The following EPB41 variants were observed in gnomAD, a reference collection of about 807,000 sequenced individuals.
EPB41 encodes erythrocyte membrane protein band 4.1.
In EPB41, 65 loss-of-function variants were observed where a neutral mutation model predicts 108.0. That is an observed-to-expected ratio of 0.60 (90% CI 0.49 to 0.74). EPB41 has a LOEUF of 0.74. Ranked by LOEUF, EPB41 falls within the 30% of genes least tolerant of loss-of-function variation. The pLI is 0.00. For synonymous variants in EPB41, 336 were observed against 358.9 expected (o/e 0.94, Z 0.72); for missense variants, 875 against 1,037.0 (o/e 0.84, Z 2.15).
intron 1 of EPB41, among the ~76,000 whole-genome samples, chr1:28,944,875 G>A (rs938901567): frequency 6.6e-6 from 1 of 151,274 alleles, no homozygotes; most frequent in African/African-American, 2.4e-5. Flanking sequence ...GACTGCTTGA[G>A]CTCAGGAGTT....
At chr1:29,068,207 G>A (rs1326704393) in intron 16 of EPB41, among the ~76,000 whole-genome samples, 2 of 152,112 alleles carry the variant, frequency 1.3e-5, no homozygotes, top group African/African-American at 2.4e-5. Context: ...ATGCCTTGTC[G>A]CTATTTCACC....
intron 1 of EPB41, among the ~76,000 whole-genome samples, chr1:28,896,648 G>A (rs949868672): frequency 6.6e-6 from 1 of 152,232 alleles, no homozygotes; most frequent in South Asian, 2.1e-4. Context: ...ACAACTGCCT[G>A]CACTTGGGGG....
rs1644739481 is a variant in EPB41 at position 29,052,782 on chromosome 1, G to A, written c.1637-322G>A. 2.0e-5 allele frequency among the ~76,000 whole-genome samples: 3 copies of A among 151,772 alleles called. No homozygotes were observed. The South Asian group carries it at 6.2e-4, about 32-fold the overall frequency. On this transcript the variant is annotated intron_variant, in intron 11 of 20. Coordinates refer to ENST00000343067, the MANE Select transcript of EPB41 (RefSeq NM_001376013.1). ...TTTTTTTCCTGCCATAGACAACATT[G>A]CAGGTTTTTGAAACTAAAATTACGA...
At chr1:28,912,571 C>A (rs768285163), upstream of EPB41, among the ~76,000 whole-genome samples, 2 of 152,112 alleles carry the variant, frequency 1.3e-5, no homozygotes, top group Admixed American at 6.6e-5. Context: ...ATGAGCTAGG[C>A]ACTGCTCTAA....
chr1:28,905,742 C>T (rs141847456), intron 1 of EPB41, among the ~76,000 whole-genome samples: 11 of 151,826 alleles, frequency 7.2e-5, no homozygotes, highest in African/African-American at 2.7e-4. Context: ...AGTCATACAG[C>T]AAATTTATTG....
At chr1:29,005,077 A>G (rs1350647522) in intron 4 of EPB41, among the ~76,000 whole-genome samples, 1 of 152,146 alleles carries the variant, frequency 6.6e-6, no homozygotes, top group Non-Finnish European at 1.5e-5. Context: ...GCACTGCTAT[A>G]AAGAAATATC....
At position 28,929,715 on chromosome 1, in the gene EPB41, G is replaced by C. The variant is rs1170927229; in HGVS notation, c.-8+14947G>C. ...CCTGGCTAATTTTGTATTTTTAGTAGAGACGGGGTTTATCCATGTTGGTCA... is the reference window on the plus strand; with the variant it reads ...CCTGGCTAATTTTGTATTTTTAGTACAGACGGGGTTTATCCATGTTGGTCA... On this transcript the variant is annotated intron_variant, in intron 1 of 20. Transcript: ENST00000343067. Among the ~76,000 whole-genome samples, 4 of 150,670 alleles carry C rather than the reference G, an allele frequency of 2.7e-5. No homozygotes were observed. The East Asian group carries it at 7.8e-4, about 29-fold the overall frequency.
At chr1:29,088,021 A>G (rs575527583) in intron 16 of EPB41, among the ~76,000 whole-genome samples, 1 of 149,060 alleles carries the variant, frequency 6.7e-6, no homozygotes, top group East Asian at 1.9e-4. Context: ...CTATCATAGC[A>G]TCTTTTTTCC....
At chr1:29,064,180 C>A (rs1646968041) in intron 15 of EPB41, among the ~76,000 whole-genome samples, 1 of 152,118 alleles carries the variant, frequency 6.6e-6, no homozygotes, top group African/African-American at 2.4e-5. Flanking sequence ...CACTCTCAAT[C>A]CTTTGAAGGT....
Position 28,894,200 on chromosome 1 carries a change from C to T in EPB41, c.-8+6990C>T, listed in dbSNP as rs1375938259. Among the ~76,000 whole-genome samples, 3 of 152,138 alleles carry T rather than the reference C, an allele frequency of 2.0e-5. No individual in the cohort carries two copies. The East Asian group carries it at 5.8e-4, about 29-fold the overall frequency. On this transcript the variant is annotated intron_variant, in intron 1 of 16. Coordinates refer to the EPB41 transcript ENST00000347529. ...ATTTGTTCTTTTATTCATGTAAGCC[C>T]CACAAGGGCAGGGATTTTTGTTCAT... is the stretch of plus-strand genomic sequence containing the variant.
chr1:29,106,573 T>TA (rs2151626535), intron 17 of EPB41, among the ~76,000 whole-genome samples: 1 of 123,504 alleles, frequency 8.1e-6, no homozygotes, highest in South Asian at 2.9e-4. Context: ...GATTTTTTTT[T>TA]TTTTTTTTTT....
At chr1:28,997,152 T>C in intron 3 of EPB41, 63 bp from the exon 4 acceptor site, 1 of 1,252,924 alleles carries the variant, frequency 8.0e-7, no homozygotes. Flanking sequence ...TCCCCATCTC[T>C]TTTGGGGAAA....
At chr1:28,889,566 G>A (rs2089870181) in intron 1 of EPB41, among the ~76,000 whole-genome samples, 1 of 152,262 alleles carries the variant, frequency 6.6e-6, no homozygotes, top group South Asian at 2.1e-4. Flanking sequence ...ATGGCCAGGA[G>A]ACTGGCTGGC....
In EPB41 at chr1:28,987,847, C is replaced by T. The variant is rs200186018; in HGVS notation, c.410C>T (p.Pro137Leu). Residue 137 changes from proline (P) to leucine (L), a missense_variant, in exon 2 of 21, where the codon CCG becomes CTG. Pro to Leu is a moderately conservative substitution (Grantham distance 98). Around this residue, in one of 3 missense-constraint regions of EPB41, gnomAD observed 353 missense variants for 393.2 expected, o/e 0.90. Coordinates refer to ENST00000343067, the MANE Select transcript of EPB41 (RefSeq NM_001376013.1). ...AAGGCCCCAATTGCAGCTCCTGAAC[C>T]GGAACTCAAAACAGACCCATCTTTG... ...ILKAPIAAPE[P>L]ELKTDPSLDL... 93 of 1,614,050 alleles carry T rather than the reference C, an allele frequency of 5.8e-5. No individual in the cohort carries two copies. Among genetic ancestry groups the T allele is most frequent in the Middle Eastern group, 4.9e-4 (3 of 6,084 alleles).
intron 12 of EPB41, among the ~76,000 whole-genome samples, chr1:29,057,177 C>A (rs1037687407): frequency 2.7e-4 from 41 of 151,718 alleles, no homozygotes; most frequent in Admixed American, 2.6e-3. Flanking sequence ...GAGATCGAGA[C>A]CATCCTGGCT....
chr1:28,998,836 G>A (rs537926810), intron 4 of EPB41, among the ~76,000 whole-genome samples: 1 of 152,268 alleles, frequency 6.6e-6, no homozygotes, highest in South Asian at 2.1e-4. Flanking sequence ...AATATTTGAG[G>A]TGATGGATAG....
chr1:28,994,434 G>A lies in EPB41; in HGVS notation c.681+892G>A, dbSNP rs1350148213. On this transcript the variant is annotated intron_variant, in intron 3 of 20. Coordinates refer to ENST00000343067, the MANE Select transcript of EPB41 (RefSeq NM_001376013.1). Reference sequence around the variant, plus strand: ...GATCTGCCCGCCTCGGCCTCCCAAAGTGCTGGGTTTACAGGCTTGAGCCAC... The same window carrying A: ...GATCTGCCCGCCTCGGCCTCCCAAAATGCTGGGTTTACAGGCTTGAGCCAC... Among the ~76,000 whole-genome samples the A allele has an allele frequency of 4.6e-5, 7 of 151,336 alleles. 1 individual carries two copies. The highest frequency in any genetic ancestry group is 1.7e-4 in the African/African-American group (7 of 41,220).
chr1:28,902,139 C>T (rs1009914624), intron 1 of EPB41: 10 of 974,222 alleles, frequency 1.0e-5, no homozygotes, highest in Non-Finnish European at 1.2e-5. Flanking sequence ...TTTGAGCACA[C>T]AGTAGAATCT....
chr1:29,002,383 G>A (rs757171618), intron 4 of EPB41, among the ~76,000 whole-genome samples: 3 of 151,760 alleles, frequency 2.0e-5, no homozygotes, highest in Non-Finnish European at 4.4e-5. Flanking sequence ...GCCTGGGAAG[G>A]TGAGGCTGCA....
Sources: gnomAD v4.1 joint callset for allele counts (sites outside exome capture counted in the v4.1 genomes callset) on GRCh38, gnomAD v4.1.1 for gene constraint, gnomAD v4.1.1 regional missense constraint, MANE v1.5 for transcripts, NCBI Gene and HGNC (gene_info 2026-07-23, HGNC 2026-07-21) for gene names.